Variants in GOPC observed in about 807,000 individuals in gnomAD.
The protein encoded by GOPC is golgi associated PDZ and coiled-coil motif containing, also known as Golgi-associated PDZ and coiled-coil motif-containing protein.
Under a neutral mutation model 51.2 loss-of-function variants are expected in GOPC, and 32 were observed. The ratio of observed to expected loss-of-function variants is 0.63; its 90% CI spans 0.47 to 0.84. The LOEUF (loss-of-function observed/expected upper bound fraction) is 0.84. Ranked by LOEUF, GOPC falls within the 40% of genes least tolerant of loss-of-function variation. GOPC has a pLI of 0.00. For synonymous variants in GOPC, 190 were observed against 205.1 expected (o/e 0.93, Z 0.63); for missense variants, 441 against 555.5 (o/e 0.79, Z 2.07).
At chr6:117,600,797 G>T (rs1165944754) in intron 1 of GOPC, among the ~76,000 whole-genome samples, 1 of 152,190 alleles carries the variant, frequency 6.6e-6, no homozygotes, top group African/African-American at 2.4e-5. Context: ...CCTACAGTAA[G>T]AAGTGATTAC....
chr6:117,581,632 G>A (rs1029319331), intron 1 of GOPC, among the ~76,000 whole-genome samples: 60 of 152,058 alleles, frequency 3.9e-4, no homozygotes, highest in African/African-American at 1.4e-3. Context: ...TATAAGATTT[G>A]TTCATAGCTT....
intron 1 of GOPC, among the ~76,000 whole-genome samples, chr6:117,583,515 C>T (rs183609462): frequency 1.3e-5 from 2 of 152,216 alleles, no homozygotes; most frequent in Admixed American, 6.5e-5. Flanking sequence ...CAACTCCTGT[C>T]TCATTTTGTT....
chr6:117,602,082 C>T lies in GOPC; in HGVS notation c.207G>A (p.Lys69=). 1 of 1,614,192 alleles carries T rather than the reference C, an allele frequency of 6.2e-7. No individual in the cohort carries two copies. Among genetic ancestry groups the T allele is most frequent in the Non-Finnish European group, 8.5e-7 (1 of 1,180,024 alleles). ...QADITYEGRQ[K]MTSLSSCFAQ... is the part of the protein sequence containing the mutation. Reference sequence around the variant, plus strand: ...CAAAGCAGGAGCTCAGGCTGGTCATCTTCTGTCGCCCCTCATAAGTGATGT... The same window carrying T: ...CAAAGCAGGAGCTCAGGCTGGTCATTTTCTGTCGCCCCTCATAAGTGATGT... The change falls in exon 1 of 9, where the codon AAG becomes AAA. Residue 69 remains lysine, a synonymous_variant. Coordinates refer to ENST00000368498, the MANE Select transcript of GOPC (RefSeq NM_020399.4).
In GOPC at chr6:117,566,789, C is replaced by G. The variant is rs1264451049; in HGVS notation, c.1258+65G>C. The stretch of plus-strand genomic sequence containing the variant: ...CAGTTTTACTGAAGAAATTCTGAGG[C>G]CTTCACATTTTAAACATTTAATAAT... On this transcript the variant is annotated intron_variant, in intron 8 of 8. Coordinates refer to ENST00000368498, the MANE Select transcript of GOPC (RefSeq NM_020399.4). 3.0e-6 allele frequency: 3 copies of G among 1,006,384 alleles called. No individual in the cohort carries two copies. The Admixed American group carries it at 9.3e-5, about 31-fold the overall frequency. The allele number at this position is 1,006,384 out of a possible 1,614,324, so 62.3% of individuals were successfully genotyped here.
chr6:117,570,512 G>A (rs555660437), intron 6 of GOPC, among the ~76,000 whole-genome samples: 2 of 152,050 alleles, frequency 1.3e-5, no homozygotes, highest in Admixed American at 6.6e-5. Context: ...AAAGATACAC[G>A]TACTCCGAGA....
rs751358313 is a variant in GOPC, at chr6:117,569,667, C to T, written c.982G>A (p.Gly328Arg). The T allele has an allele frequency of 1.6e-5, 26 of 1,611,240 alleles. No homozygotes were observed. The highest frequency in any genetic ancestry group is 4.0e-5 in the African/African-American group (3 of 74,760). The change falls in exon 7 of 9, where the codon GGA becomes AGA. Residue 328 changes from glycine to arginine, a missense_variant. Physicochemically the swap from Gly to Arg is moderately radical, Grantham distance 125. Around this residue, in one of 3 missense-constraint regions of GOPC, gnomAD observed 166 missense variants for 267.0 expected, o/e 0.62. Coordinates refer to ENST00000368498, the MANE Select transcript of GOPC (RefSeq NM_020399.4). ...ATAGCATCCCCAACGTGCAGCCCTC[C>T]GCATCTATCAGCAGGTTGCCCCGGA... ...IHPGQPADRC[G>R]GLHVGDAILA...
At chr6:117,588,778 T>G (rs1215931690) in intron 1 of GOPC, among the ~76,000 whole-genome samples, 1 of 150,080 alleles carries the variant, frequency 6.7e-6, no homozygotes, top group African/African-American at 2.4e-5. Context: ...ATACTTTTTT[T>G]ATATTTTATA....
In GOPC at chr6:117,560,913, T is replaced by A. The variant is rs773019322; in HGVS notation, c.*2341A>T. The stretch of plus-strand genomic sequence containing the variant: ...TTGTCCTAGAAGTTTCAGGGACATA[T>A]GAATTTCTTTCCTATAAATGTGAAA... On this transcript the variant is annotated 3_prime_UTR_variant, in exon 9 of 9. Transcript: ENST00000368498. 4.7e-6 allele frequency: 1 copy of A among 211,960 alleles called. No homozygotes were observed. Among genetic ancestry groups the A allele is most frequent in the Non-Finnish European group, 9.6e-6 (1 of 104,684 alleles). 13.1% of individuals were successfully genotyped at this position (211,960 alleles called of 1,614,324 possible). A position where few individuals can be genotyped will look rare whatever the true frequency, so the allele number is the denominator to read the frequency against.
At chr6:117,599,775 A>G (rs1771961793) in intron 1 of GOPC, among the ~76,000 whole-genome samples, 1 of 152,232 alleles carries the variant, frequency 6.6e-6, no homozygotes, top group African/African-American at 2.4e-5. Context: ...AAGAACATGC[A>G]TAATTTATTA....
At chr6:117,563,735 A>T (rs1352026289) in intron 8 of GOPC, among the ~76,000 whole-genome samples, 4 of 139,766 alleles carry the variant, frequency 2.9e-5, no homozygotes, top group South Asian at 4.5e-4. Context: ...TAAAAAAATT[A>T]AAAAAAAAAA....
intron 1 of GOPC, among the ~76,000 whole-genome samples, chr6:117,591,431 A>G (rs985930682): frequency 2.8e-4 from 43 of 152,360 alleles, no homozygotes; most frequent in African/African-American, 9.1e-4. Flanking sequence ...AGGTAGAAAG[A>G]TGTGGTAAAC....
intron 5 of GOPC, among the ~76,000 whole-genome samples, chr6:117,572,389 G>A (rs1457976112): frequency 1.3e-5 from 2 of 151,946 alleles, no homozygotes; most frequent in African/African-American, 4.8e-5. Flanking sequence ...TTTCTCCTTG[G>A]ATGACCATAG....
chr6:117,567,368 A>G (rs1241656668), intron 7 of GOPC, among the ~76,000 whole-genome samples: 1 of 152,212 alleles, frequency 6.6e-6, no homozygotes, highest in Non-Finnish European at 1.5e-5. Flanking sequence ...GTTATTTGCT[A>G]CTTTGTACTG....
intron 1 of GOPC, among the ~76,000 whole-genome samples, chr6:117,594,429 T>C (rs1288944940): frequency 6.6e-6 from 1 of 152,204 alleles, no homozygotes; most frequent in East Asian, 1.9e-4. Context: ...TATGTACCTT[T>C]CATAGTATTC....
intron 1 of GOPC, among the ~76,000 whole-genome samples, chr6:117,584,441 A>G (rs1780002303): frequency 6.6e-6 from 1 of 152,160 alleles, no homozygotes; most frequent in African/African-American, 2.4e-5. Flanking sequence ...TTTAGGTTCA[A>G]TTAGTTTGCT....
At chr6:117,598,249 C>T (rs978395787) in intron 1 of GOPC, among the ~76,000 whole-genome samples, 3 of 151,478 alleles carry the variant, frequency 2.0e-5, no homozygotes, top group African/African-American at 7.3e-5. Flanking sequence ...TAGCTCATGC[C>T]TGTAGTCCAA....
Position 117,602,348 on chromosome 6 carries a change from G to T in GOPC, c.-60C>A. On this transcript the variant is annotated 5_prime_UTR_variant, in exon 1 of 9. Transcript: ENST00000368498. ...CCCTCGCCGCCCCCCGCGCACGAAG[G>T]GAACTGCTGGGACTGAGGGGACCCC... 6.8e-7 allele frequency: 1 copy of T among 1,478,366 alleles called. No homozygotes were observed. The highest frequency in any genetic ancestry group is 8.9e-7 in the Non-Finnish European group (1 of 1,120,374). The allele number at this position is 1,478,366 out of a possible 1,614,324, so 91.6% of individuals were successfully genotyped here. A position where few individuals can be genotyped will look rare whatever the true frequency, so the allele number is the denominator to read the frequency against.
chr6:117,562,035 T>TTAAAAC lies in GOPC; in HGVS notation c.*1218_*1219insGTTTTA. The TTAAAAC allele has an allele frequency of 4.9e-6, 1 of 205,938 alleles. No individual in the cohort carries two copies. Among genetic ancestry groups the TTAAAAC allele is most frequent in the East Asian group, 7.4e-5 (1 of 13,516 alleles). The allele number at this position is 205,938 out of a possible 1,614,324, so 12.8% of individuals were successfully genotyped here. ...TGTACGTCCTTTAAAACAGTGATATTAGCAAAGCTATCACCTCTTTAATGC... is the reference window on the plus strand; with the variant it reads ...TGTACGTCCTTTAAAACAGTGATATTTAAAACAGCAAAGCTATCACCTCTTTAATGC... On this transcript the variant is annotated 3_prime_UTR_variant, in exon 9 of 9. Coordinates refer to ENST00000368498, the MANE Select transcript of GOPC (RefSeq NM_020399.4).
At chr6:117,586,435 TC>T (rs1400978160) in intron 1 of GOPC, among the ~76,000 whole-genome samples, 2 of 151,380 alleles carry the variant, frequency 1.3e-5, no homozygotes, top group African/African-American at 2.4e-5. Flanking sequence ...CTGTCTTTTT[TC>T]CTGGAACTAA....
Sources: gnomAD v4.1 joint callset for allele counts (sites outside exome capture counted in the v4.1 genomes callset) on GRCh38, gnomAD v4.1.1 for gene constraint, gnomAD v4.1.1 regional missense constraint, MANE v1.5 for transcripts, NCBI Gene and HGNC (gene_info 2026-07-23, HGNC 2026-07-21) for gene names.